UBE4B: variants seen among roughly 807,000 people sequenced by gnomAD.
UBE4B encodes the protein ubiquitin conjugation factor E4 B.
UBE4B carries 27 observed loss-of-function variants against 148.1 expected under a neutral mutation model. The ratio of observed to expected loss-of-function variants is 0.18; its 90% CI spans 0.13 to 0.25. The LOEUF (loss-of-function observed/expected upper bound fraction) is 0.25, where lower values mean the gene tolerates loss of function less well. Ranked by LOEUF, UBE4B falls within the 10% of genes least tolerant of loss-of-function variation. The probability of loss-of-function intolerance (pLI) is 1.00; values close to 1 mark genes in which losing one functional copy is unlikely to be tolerated. For synonymous variants in UBE4B, 596 were observed against 619.3 expected, an observed-to-expected ratio of 0.96 and a Z score of 0.56; for missense variants, 1,170 against 1,662.4, an observed-to-expected ratio of 0.70 and a Z score of 5.15.
chr1:10,052,504 A>G (rs1644071168), intron 1 of UBE4B, among the ~76,000 whole-genome samples: 1 of 152,216 alleles, frequency 6.6e-6, no homozygotes, highest in Admixed American at 6.5e-5. Context: ...GGCACTCCTC[A>G]GGAATCATGT....
chr1:10,072,078 A>C lies in UBE4B; in HGVS notation c.75A>C (p.Pro25=), dbSNP rs971291973. The C allele has an allele frequency of 1.9e-6, 3 of 1,612,676 alleles. No individual in the cohort carries two copies. Among genetic ancestry groups the C allele is most frequent in the African/African-American group, 2.7e-5 (2 of 74,984 alleles). Residue 25 remains proline, a synonymous_variant, in exon 2 of 28, where the codon CCA becomes CCC. Transcript: ENST00000343090. The stretch of plus-strand genomic sequence containing the variant: ...TTGCTGGTGGACAGACCTCTCAGCC[A>C]ACCACCCCACTCACCTCTCCCCAGA... ...ARLAGGQTSQ[P]TTPLTSPQRE...
At chr1:10,153,330 A>AC (rs1192920013) in intron 21 of UBE4B, among the ~76,000 whole-genome samples, 1 of 150,976 alleles carries the variant, frequency 6.6e-6, no homozygotes, top group Non-Finnish European at 1.5e-5. Flanking sequence ...ACATGGCGAG[A>AC]CCCCATCTCT....
chr1:10,103,259 C>G, intron 5 of UBE4B, 167 bp downstream of exon 5: 1 of 567,588 alleles, frequency 1.8e-6, no homozygotes, highest in Non-Finnish European at 3.0e-6. Flanking sequence ...ACTTTCTTCC[C>G]TTTCCACTGA....
At chr1:10,122,392 C>T (rs1645425491) in intron 10 of UBE4B, among the ~76,000 whole-genome samples, 1 of 152,166 alleles carries the variant, frequency 6.6e-6, no homozygotes, top group South Asian at 2.1e-4. Flanking sequence ...CCAGAGACGG[C>T]ATAAGGCATG....
In UBE4B at chr1:10,136,511, G is replaced by A. The variant is rs1645688019; in HGVS notation, c.2225-556G>A. Among the ~76,000 whole-genome samples the A allele has an allele frequency of 2.6e-5, 4 of 151,820 alleles. No homozygotes were observed. In the South Asian group the frequency reaches 8.3e-4, roughly 32 times the overall value. Reference sequence around the variant, plus strand: ...AAAAAAAAAAAAAAAAGATTGTGATGGACATCTGTATGCACATTTAACGAG... The same window carrying A: ...AAAAAAAAAAAAAAAAGATTGTGATAGACATCTGTATGCACATTTAACGAG... On this transcript the variant is annotated intron_variant, in intron 16 of 27. Transcript: ENST00000343090.
intron 1 of UBE4B, among the ~76,000 whole-genome samples, chr1:10,070,485 A>G (rs941132782): frequency 6.6e-6 from 1 of 150,434 alleles, no homozygotes; most frequent in African/African-American, 2.4e-5. Flanking sequence ...CTAGAATCTC[A>G]CTCCTGCCTC....
chr1:10,111,684 C>T (rs371347067), intron 7 of UBE4B, among the ~76,000 whole-genome samples: 4 of 152,218 alleles, frequency 2.6e-5, no homozygotes, highest in African/African-American at 4.8e-5. Flanking sequence ...AGGCCAGGCG[C>T]GGTGGCTCAC....
At chr1:10,153,363 G>A (rs1646009767) in intron 21 of UBE4B, among the ~76,000 whole-genome samples, 1 of 151,490 alleles carries the variant, frequency 6.6e-6, no homozygotes, top group Non-Finnish European at 1.5e-5. Context: ...AAAATTAGAT[G>A]CCTGTTGTCC....
intron 23 of UBE4B, among the ~76,000 whole-genome samples, chr1:10,162,988 G>GT (rs1360980471): frequency 6.6e-6 from 1 of 152,082 alleles, no homozygotes; most frequent in African/African-American, 2.4e-5. Flanking sequence ...CCTTACTTCT[G>GT]TAACACCCAC....
Position 10,161,380 on chromosome 1 carries a change from T to C in UBE4B, c.3198+94T>C, listed in dbSNP as rs17034540. 1,205 of 1,418,238 alleles carry C rather than the reference T, an allele frequency of 8.5e-4. 15 individuals carry two copies. In the African/African-American group the frequency reaches 0.016, roughly 18 times the overall value. 87.9% of individuals were successfully genotyped at this position (1,418,238 alleles called of 1,614,324 possible). A position where few individuals can be genotyped will look rare whatever the true frequency, so the allele number is the denominator to read the frequency against. The stretch of plus-strand genomic sequence containing the variant: ...TTTGGGGCTGCATTTGTGGGTCTGA[T>C]GATATGCGATCTGACATGCTGGGAT... On this transcript the variant is annotated intron_variant, in intron 23 of 27. Transcript: ENST00000343090. This position sits in a 1 kb window ranked among gnomAD's most constrained non-coding sequence, Gnocchi z 4.1.
intron 5 of UBE4B, 105 bp from the exon 6 acceptor site, chr1:10,105,411 C>G: frequency 1.1e-6 from 1 of 893,364 alleles, no homozygotes; most frequent in East Asian, 2.5e-5. Context: ...GAATCTAATC[C>G]AGGATACTGC....
At chr1:10,118,926 A>C (rs1038089860) in intron 8 of UBE4B, among the ~76,000 whole-genome samples, 1 of 108,076 alleles carries the variant, frequency 9.3e-6, no homozygotes, top group Non-Finnish European at 1.7e-5. Context: ...CTCTGTCACC[A>C]GGCTGGAGTG....
intron 7 of UBE4B, among the ~76,000 whole-genome samples, chr1:10,110,598 A>C (rs931024092): frequency 1.3e-5 from 2 of 152,210 alleles, no homozygotes; most frequent in African/African-American, 4.8e-5. Flanking sequence ...CGCAGAAGTT[A>C]TCCGGAGGAA....
At chr1:10,084,760 C>G (rs1159379419) in intron 2 of UBE4B, among the ~76,000 whole-genome samples, 3 of 149,992 alleles carry the variant, frequency 2.0e-5, no homozygotes, top group Non-Finnish European at 4.4e-5. Context: ...TGCAGTGGTG[C>G]GATCTTGGCT....
At chr1:10,174,619 T>A (rs1183192188) in intron 25 of UBE4B, among the ~76,000 whole-genome samples, 1 of 151,444 alleles carries the variant, frequency 6.6e-6, no homozygotes, top group Non-Finnish European at 1.5e-5. Flanking sequence ...GGAGAATCGC[T>A]TGAACCTGGG....
At chr1:10,085,013 T>C (rs1644743648) in intron 2 of UBE4B, among the ~76,000 whole-genome samples, 1 of 152,122 alleles carries the variant, frequency 6.6e-6, no homozygotes, top group Non-Finnish European at 1.5e-5. Context: ...CTCTCTCCAG[T>C]TTCCAGTTGG....
At chr1:10,087,066 G>A (rs1240450842) in intron 2 of UBE4B, among the ~76,000 whole-genome samples, 3 of 152,180 alleles carry the variant, frequency 2.0e-5, no homozygotes, top group African/African-American at 7.2e-5. Flanking sequence ...TTACAGTGGA[G>A]TTTGCCCTGA....
chr1:10,121,311 C>T (rs1300199288), intron 9 of UBE4B, among the ~76,000 whole-genome samples: 3 of 152,000 alleles, frequency 2.0e-5, no homozygotes, highest in Non-Finnish European at 2.9e-5. Flanking sequence ...GCCGAAATTG[C>T]GCCACCATAC....
chr1:10,152,274 T>G (rs1378231003), intron 21 of UBE4B, among the ~76,000 whole-genome samples: 1 of 148,034 alleles, frequency 6.8e-6, no homozygotes, highest in African/African-American at 2.5e-5. Context: ...ATAATAATAA[T>G]AATAATAATA....
Sources: gnomAD v4.1 joint callset for allele counts (sites outside exome capture counted in the v4.1 genomes callset) on GRCh38, gnomAD v4.1.1 for gene constraint, Gnocchi (gnomAD v3.1) non-coding constraint, MANE v1.5 for transcripts, NCBI Gene and HGNC (gene_info 2026-07-23, HGNC 2026-07-21) for gene names.